The following COL5A1 variants were observed in gnomAD, a reference collection of about 807,000 sequenced individuals.
COL5A1 encodes collagen alpha-1(V) chain.
Under a neutral mutation model 263.7 loss-of-function variants are expected in COL5A1, and 16 were observed. The observed-to-expected ratio is 0.06, with a 90% CI of 0.04 to 0.09. The LOEUF (loss-of-function observed/expected upper bound fraction) is 0.09. COL5A1 is among the 10% of genes least tolerant of loss of function. The pLI, the probability that COL5A1 is intolerant of heterozygous loss-of-function variation, is 1.00. For synonymous variants in COL5A1, 1,012 were observed against 1,004.5 expected (o/e 1.01, Z -0.14); for missense variants, 2,036 against 2,540.5 (o/e 0.80, Z 4.27).
At position 134,795,257 on chromosome 9, in the gene COL5A1, T is replaced by C. The variant is rs777834778; in HGVS notation, c.2746-5T>C. On this transcript the variant is annotated splice_region_variant and splice_polypyrimidine_tract_variant and intron_variant, in intron 33 of 65. Coordinates refer to ENST00000371817, the MANE Select transcript of COL5A1 (RefSeq NM_000093.5). ...GCTGACCTTCCTTCTCTCCCATCTG[T>C]CCAGGGTCCGAGGGGTGAAAGAGGC... 8 of 1,613,676 alleles carry C rather than the reference T, an allele frequency of 5.0e-6. No homozygotes were observed. The East Asian group carries it at 1.8e-4, about 36-fold the overall frequency.
At chr9:134,672,692 A>C (rs1049348613) in intron 1 of COL5A1, among the ~76,000 whole-genome samples, 4 of 152,260 alleles carry the variant, frequency 2.6e-5, no homozygotes, top group Admixed American at 2.6e-4. Context: ...AGAAAATAAA[A>C]TAAGAGGCAT....
rs1166439006 is a variant in COL5A1 at position 134,642,539 on chromosome 9, C to G, written c.109+243C>G. Among the ~76,000 whole-genome samples, 1 of 152,106 alleles carries G rather than the reference C, an allele frequency of 6.6e-6. No homozygotes were observed. Among genetic ancestry groups the G allele is most frequent in the East Asian group, 1.9e-4 (1 of 5,160 alleles). Reference sequence around the variant, plus strand: ...GGTCGGGTGGGGCTGTCGCGCGAGCCGAGGAAGGACCGAGGGCTGGATCAG... The same window carrying G: ...GGTCGGGTGGGGCTGTCGCGCGAGCGGAGGAAGGACCGAGGGCTGGATCAG... On this transcript the variant is annotated intron_variant, in intron 1 of 65. Transcript: ENST00000371817. This position sits in a 1 kb window ranked among gnomAD's most constrained non-coding sequence, Gnocchi z 4.5.
In COL5A1 at chr9:134,681,378, C is replaced by T. The variant is rs1009443857; in HGVS notation, c.110-9534C>T. Reference sequence around the variant, plus strand: ...CGTGAACAATTTCTGCGAGCATCTGCGGGTGCCGGGCTGTGCGGGGCCCCT... The same window carrying T: ...CGTGAACAATTTCTGCGAGCATCTGTGGGTGCCGGGCTGTGCGGGGCCCCT... On this transcript the variant is annotated intron_variant, in intron 1 of 65. Coordinates refer to ENST00000371817, the MANE Select transcript of COL5A1 (RefSeq NM_000093.5). The surrounding 1 kb of genome is among the most constrained non-coding windows in gnomAD (Gnocchi z 4.3). 3.9e-5 allele frequency among the ~76,000 whole-genome samples: 6 copies of T among 152,244 alleles called. No homozygotes were observed. The highest frequency in any genetic ancestry group is 2.0e-4 in the Admixed American group (3 of 15,294).
At position 134,722,093 on chromosome 9, in the gene COL5A1, C is replaced by T. The variant is rs12350523; in HGVS notation, c.655-5173C>T. Among the ~76,000 whole-genome samples the T allele has an allele frequency of 3.3e-3, 500 of 152,326 alleles. 3 individuals carry two copies. The highest frequency in any genetic ancestry group is 0.011 in the African/African-American group (478 of 41,570). On this transcript the variant is annotated intron_variant, in intron 4 of 65. Coordinates refer to ENST00000371817, the MANE Select transcript of COL5A1 (RefSeq NM_000093.5). Reference sequence around the variant, plus strand: ...TGGCAGTGGTGCCCGCAGAACACACCGGCTCTTTCTAGTGTGAAAATCCAC... The same window carrying T: ...TGGCAGTGGTGCCCGCAGAACACACTGGCTCTTTCTAGTGTGAAAATCCAC...
In COL5A1 at chr9:134,706,015, G is replaced by A. The variant is rs190601140; in HGVS notation, c.654+4682G>A. Among the ~76,000 whole-genome samples, 36 of 152,314 alleles carry A rather than the reference G, an allele frequency of 2.4e-4. 1 individual carries two copies. Among genetic ancestry groups the A allele is most frequent in the African/African-American group, 7.7e-4 (32 of 41,578 alleles). ...CAGCCCCTCAGCAAGGTTTGGGTTC[G>A]CAGGCCCCTGTCCTCCTCCCCTGGC... On this transcript the variant is annotated intron_variant, in intron 4 of 65. Transcript: ENST00000371817.
intron 26 of COL5A1, among the ~76,000 whole-genome samples, chr9:134,773,188 G>T (rs942140239): frequency 6.6e-6 from 1 of 152,226 alleles, no homozygotes; most frequent in African/African-American, 2.4e-5. Flanking sequence ...GTTTTGGGGA[G>T]ATGCTATTAT....
Position 134,810,323 on chromosome 9 carries a change from G to A in COL5A1, c.3528+15G>A, listed in dbSNP as rs541481267. On this transcript the variant is annotated intron_variant, in intron 44 of 65. Transcript: ENST00000371817. The stretch of plus-strand genomic sequence containing the variant: ...AAGGAGAACAGGTAAGTATTGGCAC[G>A]GGGGCGCGCGGCAGCCCCCAGGTCC... 18 of 1,612,838 alleles carry A rather than the reference G, an allele frequency of 1.1e-5. No individual in the cohort carries two copies. The highest frequency in any genetic ancestry group is 6.7e-5 in the East Asian group (3 of 44,828).
chr9:134,699,886 C>A, intron 2 of COL5A1, 23 bp from the exon 3 acceptor site: 1 of 1,612,682 alleles, frequency 6.2e-7, no homozygotes, highest in Non-Finnish European at 8.5e-7. Context: ...CGACTGCCTT[C>A]TCACCTCTGT....
chr9:134,822,669 G>A (rs1030394026), intron 59 of COL5A1, among the ~76,000 whole-genome samples: 3 of 151,248 alleles, frequency 2.0e-5, no homozygotes, highest in Non-Finnish European at 2.9e-5. Flanking sequence ...CAGGGCTGGG[G>A]GGTGCATTCC....
rs547599274 is a variant in COL5A1, at chr9:134,740,586, G to A, written c.1494+1778G>A. Among the ~76,000 whole-genome samples the A allele has an allele frequency of 9.2e-5, 14 of 152,314 alleles. No individual in the cohort carries two copies. The South Asian group carries it at 1.0e-3, about 11-fold the overall frequency. Reference sequence around the variant, plus strand: ...TGCCTCAGTGGTGTTCCACGGCTCCGTCCTCCTTCTATCCATCCAGCGTAC... The same window carrying A: ...TGCCTCAGTGGTGTTCCACGGCTCCATCCTCCTTCTATCCATCCAGCGTAC... On this transcript the variant is annotated intron_variant, in intron 11 of 65. Transcript: ENST00000371817.
intron 1 of COL5A1, among the ~76,000 whole-genome samples, chr9:134,676,412 G>A (rs1832685123): frequency 3.9e-5 from 6 of 152,208 alleles, no homozygotes; most frequent in Admixed American, 3.9e-4. Context: ...TTTGGCAAAT[G>A]CAGCTTTGTT....
chr9:134,705,793 C>G (rs994530702), intron 4 of COL5A1, among the ~76,000 whole-genome samples: 1 of 152,196 alleles, frequency 6.6e-6, no homozygotes, highest in Admixed American at 6.5e-5. Context: ...TGAGCTGTCC[C>G]TTTTCTCAGC....
At chr9:134,646,371 T>C (rs56836950) in intron 1 of COL5A1, among the ~76,000 whole-genome samples, 12,263 of 151,856 alleles carry the variant, frequency 0.081, 1,476 homozygotes, top group African/African-American at 0.25. Flanking sequence ...CTTCCCTCCT[T>C]CTCTTCTCCT....
At chr9:134,666,725 C>T (rs772671770) in intron 1 of COL5A1, among the ~76,000 whole-genome samples, 5 of 152,100 alleles carry the variant, frequency 3.3e-5, no homozygotes, top group Non-Finnish European at 7.4e-5. Context: ...CCATCGTGAC[C>T]CTTTTCTTCT....
At chr9:134,644,237 G>C (rs1238108517) in intron 1 of COL5A1, among the ~76,000 whole-genome samples, 1 of 76,490 alleles carries the variant, frequency 1.3e-5, no homozygotes, top group African/African-American at 5.5e-5. Context: ...AGATGCAGGC[G>C]TGGCGGGGAG....
intron 57 of COL5A1, 73 bp downstream of exon 57, chr9:134,819,126 A>C: frequency 1.4e-5 from 20 of 1,472,642 alleles, no homozygotes; most frequent in Non-Finnish European, 1.7e-5. Context: ...TCTCAAACTC[A>C]ACAAGCTCTT....
intron 4 of COL5A1, among the ~76,000 whole-genome samples, chr9:134,721,004 C>T (rs1834429755): frequency 6.6e-6 from 1 of 152,158 alleles, no homozygotes; most frequent in African/African-American, 2.4e-5. Flanking sequence ...GCCAGACCCA[C>T]CACATGGAGT....
chr9:134,826,561 G>A (rs1201001452), intron 63 of COL5A1, among the ~76,000 whole-genome samples: 1 of 117,074 alleles, frequency 8.5e-6, no homozygotes, highest in Non-Finnish European at 1.8e-5. Context: ...AATGGTGTGT[G>A]TGTGTGTGTA....
At chr9:134,770,980 G>A (rs1836847595) in intron 25 of COL5A1, among the ~76,000 whole-genome samples, 1 of 152,252 alleles carries the variant, frequency 6.6e-6, no homozygotes, top group Non-Finnish European at 1.5e-5. Context: ...AATTTGGCCT[G>A]GATGGGAATG....
Sources: gnomAD v4.1 joint callset for allele counts (sites outside exome capture counted in the v4.1 genomes callset) on GRCh38, gnomAD v4.1.1 for gene constraint, Gnocchi (gnomAD v3.1) non-coding constraint, MANE v1.5 for transcripts, NCBI Gene and HGNC (gene_info 2026-07-23, HGNC 2026-07-21) for gene names.